CAPZB: variants seen among roughly 807,000 people sequenced by gnomAD.
The protein encoded by CAPZB is capping actin protein of muscle Z-line subunit beta.
CAPZB carries 2 observed loss-of-function variants against 38.1 expected under a neutral mutation model. The ratio of observed to expected loss-of-function variants is 0.05; its 90% CI spans 0.02 to 0.17. CAPZB has a LOEUF of 0.17. Among genes scored for constraint, CAPZB ranks in the 10% least tolerant of loss-of-function variants. The pLI is 1.00. For missense variants in CAPZB, 161 were observed against 334.2 expected, an observed-to-expected ratio of 0.48 and a Z score of 4.04; for synonymous variants, 107 against 127.4, an observed-to-expected ratio of 0.84 and a Z score of 1.08.
intron 2 of CAPZB, among the ~76,000 whole-genome samples, chr1:19,414,678 C>T (rs1021807348): frequency 6.6e-6 from 1 of 152,204 alleles, no homozygotes; most frequent in African/African-American, 2.4e-5. Flanking sequence ...AAACTCCTTC[C>T]TCAGCTCAGG....
At chr1:19,398,412 CA>C (rs1446025711) in intron 2 of CAPZB, among the ~76,000 whole-genome samples, 2 of 152,292 alleles carry the variant, frequency 1.3e-5, no homozygotes, top group East Asian at 3.9e-4. Flanking sequence ...ACAGATTCTC[CA>C]AAAATCCTCA....
rs41264087 is a variant in CAPZB, at chr1:19,357,609, T to C, written c.330-46A>G. The C allele has an allele frequency of 0.04, 64,489 of 1,605,644 alleles. 1,478 individuals carry two copies. Among genetic ancestry groups the C allele is most frequent in the African/African-American group, 0.053 (3,945 of 74,744 alleles). On this transcript the variant is annotated intron_variant, in intron 4 of 8. Coordinates refer to ENST00000264202, the MANE Select transcript of CAPZB (RefSeq NM_004930.5). This position sits in a 1 kb window ranked among gnomAD's most constrained non-coding sequence, Gnocchi z 4.3. ...TGCCTGTTAGATGCTAAAGGACAGA[T>C]CATCAGCCTGGGTCCCAGGCTGCTG...
Position 19,435,256 on chromosome 1 carries a change from G to A in CAPZB, c.4-15506C>T, listed in dbSNP as rs796229837. ...ACATCTTGCCAACAAGACATATTTC[G>A]CAAGCTCAAAACCTTTCTTTCCATC... On this transcript the variant is annotated intron_variant, in intron 1 of 8. Transcript: ENST00000264202. Among the ~76,000 whole-genome samples the A allele has an allele frequency of 8.5e-5, 13 of 152,236 alleles. 1 individual carries two copies. Among genetic ancestry groups the A allele is most frequent in the East Asian group, 3.9e-4 (2 of 5,182 alleles).
chr1:19,450,657 C>T, intron 1 of CAPZB, among the ~76,000 whole-genome samples: 1 of 21,192 alleles, frequency 4.7e-5, no homozygotes, highest in East Asian at 1.7e-3. Context: ...GTTCCAGAGA[C>T]CCAGGTGAAT....
intron 1 of CAPZB, among the ~76,000 whole-genome samples, chr1:19,443,483 G>A (rs1055601523): frequency 6.6e-6 from 1 of 152,150 alleles, no homozygotes; most frequent in African/African-American, 2.4e-5. Context: ...CAGCACCACT[G>A]GACTTACGGC....
intron 3 of CAPZB, among the ~76,000 whole-genome samples, chr1:19,381,788 GT>G (rs2094176529): frequency 1.3e-5 from 2 of 149,366 alleles, no homozygotes; most frequent in Admixed American, 6.8e-5. Context: ...TGTCTCCTGG[GT>G]TCAAGCAGAT....
intron 4 of CAPZB, among the ~76,000 whole-genome samples, chr1:19,370,970 AG>A (rs1479802993): frequency 6.6e-6 from 1 of 152,158 alleles, no homozygotes; most frequent in Admixed American, 6.5e-5. Flanking sequence ...CCCATGAGGG[AG>A]GGACTGGGCC....
intron 1 of CAPZB, among the ~76,000 whole-genome samples, chr1:19,439,442 T>A (rs755704950): frequency 3.3e-5 from 5 of 152,164 alleles, no homozygotes; most frequent in Admixed American, 6.5e-5. Flanking sequence ...GGCCTTGGAG[T>A]CCCACTTCCC....
intron 1 of CAPZB, among the ~76,000 whole-genome samples, chr1:19,447,250 A>G (rs1476008622): frequency 7.2e-6 from 1 of 138,874 alleles, no homozygotes; most frequent in Non-Finnish European, 1.5e-5. Flanking sequence ...AGACAGAGAC[A>G]TTGGGCAGCA....
chr1:19,376,790 C>T (rs181318504), intron 4 of CAPZB, among the ~76,000 whole-genome samples: 3 of 152,308 alleles, frequency 2.0e-5, no homozygotes, highest in Admixed American at 2.0e-4. Flanking sequence ...CAGCAAGCAC[C>T]CGGCTCATGG....
rs1298955894 is a variant in CAPZB at position 19,403,543 on chromosome 1, T to C, written c.93+16118A>G. ...GGGGCAGGGCCAGATCAAGAGCTCT[T>C]CCACCTAGATGTGTTCTCCGGGCTT... is the stretch of plus-strand genomic sequence containing the variant. On this transcript the variant is annotated intron_variant, in intron 2 of 8. Transcript: ENST00000264202. Among the ~76,000 whole-genome samples, 4 of 152,192 alleles carry C rather than the reference T, an allele frequency of 2.6e-5. No individual in the cohort carries two copies. In the East Asian group the frequency reaches 7.7e-4, roughly 29 times the overall value.
intron 2 of CAPZB, among the ~76,000 whole-genome samples, chr1:19,402,838 A>C (rs2094310363): frequency 6.6e-6 from 1 of 152,168 alleles, no homozygotes; most frequent in African/African-American, 2.4e-5. Flanking sequence ...ACCTGAGGTC[A>C]GGAGTTCGAG....
intron 1 of CAPZB, among the ~76,000 whole-genome samples, chr1:19,461,693 T>C (rs1035280629): frequency 1.3e-5 from 2 of 152,244 alleles, no homozygotes; most frequent in African/African-American, 4.8e-5. Context: ...ATCTATCTTT[T>C]AGAAGCCACT....
At chr1:19,447,148 C>T (rs2094498794) in intron 1 of CAPZB, among the ~76,000 whole-genome samples, 1 of 152,068 alleles carries the variant, frequency 6.6e-6, no homozygotes, top group Non-Finnish European at 1.5e-5. Context: ...TCTCTTTCTT[C>T]TATCATCCTT....
intron 1 of CAPZB, among the ~76,000 whole-genome samples, chr1:19,421,961 C>T (rs2094402975): frequency 6.6e-6 from 1 of 152,148 alleles, no homozygotes; most frequent in African/African-American, 2.4e-5. Flanking sequence ...CTCCCCGCCC[C>T]TCAACCCAGC....
At chr1:19,385,778 C>G (rs1244063950) in intron 2 of CAPZB, 152 bp from the exon 3 acceptor site, 5 of 870,318 alleles carry the variant, frequency 5.7e-6, no homozygotes, top group Non-Finnish European at 9.9e-6. Flanking sequence ...TTTTCTTTTC[C>G]ACATGTGTCT....
At chr1:19,386,987 A>G (rs965162193) in intron 2 of CAPZB, among the ~76,000 whole-genome samples, 2 of 152,198 alleles carry the variant, frequency 1.3e-5, no homozygotes, top group African/African-American at 4.8e-5. Context: ...CCTAACAAAC[A>G]TAATAAAAAT....
chr1:19,350,199 G>A (rs1380876799), intron 6 of CAPZB, among the ~76,000 whole-genome samples: 2 of 152,264 alleles, frequency 1.3e-5, no homozygotes, highest in Admixed American at 1.3e-4. Flanking sequence ...CCCGCAGGGC[G>A]TGGCCCTAAG....
At chr1:19,340,333 C>A (rs1388853079) in intron 8 of CAPZB, among the ~76,000 whole-genome samples, 1 of 152,214 alleles carries the variant, frequency 6.6e-6, no homozygotes, top group African/African-American at 2.4e-5. Flanking sequence ...AAGGGCGGCA[C>A]AGGACAGCCA....
Sources: allele counts gnomAD v4.1 joint callset (sites outside exome capture counted in the v4.1 genomes callset), GRCh38; gene constraint gnomAD v4.1.1; non-coding constraint Gnocchi (gnomAD v3.1); transcripts MANE v1.5; gene names NCBI Gene and HGNC (gene_info 2026-07-23, HGNC 2026-07-21).